TEX14: variants seen among roughly 807,000 people sequenced by gnomAD.
TEX14 encodes the protein inactive serine/threonine-protein kinase TEX14.
TEX14 carries 168 observed loss-of-function variants against 178.6 expected under a neutral mutation model. That is an observed-to-expected ratio of 0.94 (90% CI 0.83 to 1.07). TEX14 has a LOEUF of 1.07. Among genes scored for constraint, TEX14 ranks in the 50% least tolerant of loss-of-function variants. The pLI is 0.00. For missense variants in TEX14, 1,730 were observed against 1,753.6 expected (o/e 0.99, Z 0.24); for synonymous variants, 626 against 634.1 (o/e 0.99, Z 0.19).
Position 58,556,832 on chromosome 17 carries a change from T to G in TEX14, c.*179A>C. ...AGAAATCTGACTGAAAACAAATGGT[T>G]GAATGTGCTGCTAACAGAGAGGGCC... On this transcript the variant is annotated 3_prime_UTR_variant, in exon 32 of 32. Transcript: ENST00000349033. 1 of 528,198 alleles carries G rather than the reference T, an allele frequency of 1.9e-6. No homozygotes were observed. Among genetic ancestry groups the G allele is most frequent in the East Asian group, 2.9e-5 (1 of 34,494 alleles). The allele number at this position is 528,198 out of a possible 1,614,324, so 32.7% of individuals were successfully genotyped here. A position where few individuals can be genotyped will look rare whatever the true frequency, so the allele number is the denominator to read the frequency against.
intron 1 of TEX14, among the ~76,000 whole-genome samples, chr17:58,676,807 G>A (rs947172234): frequency 1.3e-5 from 2 of 152,044 alleles, no homozygotes; most frequent in African/African-American, 2.4e-5. Flanking sequence ...GCAACATAGC[G>A]AGACCCTATG....
intron 2 of TEX14, chr17:58,631,066 A>C (rs1436985534): frequency 1.5e-5 from 9 of 604,832 alleles, no homozygotes; most frequent in Non-Finnish European, 6.2e-6. Flanking sequence ...AAGTAGTAAC[A>C]TGACCAGGAA....
Position 58,559,550 on chromosome 17 carries a change from G to A in TEX14, c.4170C>T (p.Ile1390=), listed in dbSNP as rs1262814999. Residue 1390 remains isoleucine, a synonymous_variant, in exon 30 of 32, where the codon ATC becomes ATT. Transcript: ENST00000349033. ...LPKGSERETN[I]KDQKVGEEKR... Reference sequence around the variant, plus strand: ...TCTCTTCACCAACTTTTTGATCTTTGATATTTGTCTCCCTGTAACAACAAT... The same window carrying A: ...TCTCTTCACCAACTTTTTGATCTTTAATATTTGTCTCCCTGTAACAACAAT... 6.7e-7 allele frequency: 1 copy of A among 1,503,372 alleles called. No homozygotes were observed. Among genetic ancestry groups the A allele is most frequent in the African/African-American group, 1.4e-5 (1 of 71,560 alleles). 93.1% of individuals were successfully genotyped at this position (1,503,372 alleles called of 1,614,324 possible). A position where few individuals can be genotyped will look rare whatever the true frequency, so the allele number is the denominator to read the frequency against.
chr17:58,623,806 G>A (rs1393860461), intron 3 of TEX14, among the ~76,000 whole-genome samples: 1 of 147,862 alleles, frequency 6.8e-6, no homozygotes, highest in East Asian at 2.0e-4. Flanking sequence ...AAGAAGAGGA[G>A]GAGGGGGAGG....
chr17:58,589,153 C>T (rs968093085), intron 15 of TEX14, among the ~76,000 whole-genome samples: 7 of 152,040 alleles, frequency 4.6e-5, no homozygotes, highest in Non-Finnish European at 1.0e-4. Flanking sequence ...ATACCAACTA[C>T]TCAGGTGGCT....
intron 2 of TEX14, among the ~76,000 whole-genome samples, chr17:58,643,572 A>G (rs2046623143): frequency 6.6e-6 from 1 of 152,014 alleles, no homozygotes; most frequent in Admixed American, 6.6e-5. Context: ...AAAAATGAAA[A>G]AAAAAAGTAA....
At chr17:58,638,598 G>T (rs2046494049) in intron 2 of TEX14, among the ~76,000 whole-genome samples, 1 of 152,084 alleles carries the variant, frequency 6.6e-6, no homozygotes, top group South Asian at 2.1e-4. Context: ...GAGTGCAGTG[G>T]TGCAATCTCG....
intron 1 of TEX14, among the ~76,000 whole-genome samples, chr17:58,656,925 C>CAAAAAAAAAAAAA (rs60626361): frequency 1.1e-4 from 9 of 79,530 alleles, no homozygotes; most frequent in East Asian, 1.0e-3. Flanking sequence ...TCCCATCTCA[C>CAAAAAAAAAAAAA]AAAAAAAAAA....
chr17:58,638,854 CTTTTTTTTTTTT>C (rs1210311633), intron 2 of TEX14, among the ~76,000 whole-genome samples: 1 of 75,094 alleles, frequency 1.3e-5, no homozygotes, highest in South Asian at 4.8e-4. Flanking sequence ...GACTATTATT[CTTTTTTTTTTTT>C]TTTTTTTTTT....
intron 20 of TEX14, among the ~76,000 whole-genome samples, chr17:58,579,341 T>C (rs555633321): frequency 6.6e-6 from 1 of 152,340 alleles, no homozygotes; most frequent in East Asian, 1.9e-4. Flanking sequence ...TTAGCAAAGA[T>C]AACTGCACTT....
chr17:58,590,297 C>T (rs1020317107), intron 15 of TEX14, among the ~76,000 whole-genome samples: 9 of 148,248 alleles, frequency 6.1e-5, no homozygotes, highest in South Asian at 2.1e-4. Flanking sequence ...ACTGAGATTG[C>T]GCCACTGCAA....
intron 21 of TEX14, among the ~76,000 whole-genome samples, chr17:58,575,803 G>A (rs530454349): frequency 2.6e-5 from 4 of 152,332 alleles, no homozygotes; most frequent in Admixed American, 6.5e-5. Context: ...TGAAGCAGGA[G>A]CAAAGAAGAA....
At chr17:58,643,973 TGCAGCCAGA>T (rs2143168099) in intron 2 of TEX14, among the ~76,000 whole-genome samples, 1 of 140,068 alleles carries the variant, frequency 7.1e-6, no homozygotes. Flanking sequence ...CATAGCCTCC[TGCAGCCAGA>T]GCAGCCATTT....
At chr17:58,596,526 C>A (rs752529581) in intron 14 of TEX14, among the ~76,000 whole-genome samples, 13 of 151,994 alleles carry the variant, frequency 8.6e-5, no homozygotes, top group Non-Finnish European at 1.9e-4. Context: ...AAGCGATTAA[C>A]CTGCCTTGGC....
intron 2 of TEX14, among the ~76,000 whole-genome samples, chr17:58,648,938 C>A (rs1325236007): frequency 6.6e-6 from 1 of 151,148 alleles, no homozygotes; most frequent in South Asian, 2.1e-4. Context: ...TACAGGCACC[C>A]GCCACTGCGC....
rs771958138 is a variant in TEX14, at chr17:58,601,978, C to G, written c.1528-22G>C. On this transcript the variant is annotated intron_variant, in intron 12 of 31. Coordinates refer to ENST00000349033, the MANE Select transcript of TEX14 (RefSeq NM_031272.5). ...AATCCTGTAACACAGGAAATATTGT[C>G]AAGGACATAGTCTCAGTCATCCTGA... 9.9e-6 allele frequency: 16 copies of G among 1,611,896 alleles called. No individual in the cohort carries two copies. The South Asian group carries it at 1.6e-4, about 17-fold the overall frequency.
chr17:58,642,815 C>T (rs1312266556), intron 2 of TEX14, among the ~76,000 whole-genome samples: 1 of 152,126 alleles, frequency 6.6e-6, no homozygotes, highest in Non-Finnish European at 1.5e-5. Flanking sequence ...GCAGTTTCTC[C>T]AACTTCACAT....
chr17:58,615,738 C>A (rs1040741934), intron 7 of TEX14, among the ~76,000 whole-genome samples: 1 of 151,824 alleles, frequency 6.6e-6, no homozygotes, highest in Non-Finnish European at 1.5e-5. Flanking sequence ...TCTATAGGGG[C>A]CTCATTACCC....
intron 2 of TEX14, among the ~76,000 whole-genome samples, chr17:58,636,262 G>T (rs1459027998): frequency 1.3e-5 from 2 of 152,122 alleles, no homozygotes; most frequent in Admixed American, 6.6e-5. Flanking sequence ...TGCTATAAAG[G>T]TAACTAAAAA....
Sources: gnomAD v4.1 joint callset for allele counts (sites outside exome capture counted in the v4.1 genomes callset) on GRCh38, gnomAD v4.1.1 for gene constraint, MANE v1.5 for transcripts, NCBI Gene and HGNC (gene_info 2026-07-23, HGNC 2026-07-21) for gene names.